The following ANKRD6 variants were observed in gnomAD, a reference collection of about 807,000 sequenced individuals.
ANKRD6 encodes ankyrin repeat domain 6, also known as ankyrin repeat domain-containing protein 6.
A neutral mutation model predicts 82.3 loss-of-function variants in ANKRD6; 56 were observed. The ratio of observed to expected loss-of-function variants is 0.68; its 90% CI spans 0.55 to 0.85. The LOEUF (loss-of-function observed/expected upper bound fraction) is 0.85. Ranked by LOEUF, ANKRD6 falls within the 40% of genes least tolerant of loss-of-function variation. The pLI is 0.00. For missense variants in ANKRD6, 852 were observed against 907.6 expected (o/e 0.94, Z 0.79); for synonymous variants, 347 against 352.1 (o/e 0.99, Z 0.16).
intron 1 of ANKRD6, among the ~76,000 whole-genome samples, chr6:89,502,697 T>A (rs936010082): frequency 4.6e-5 from 7 of 152,334 alleles, no homozygotes; most frequent in Non-Finnish European, 1.0e-4. Context: ...TTTGAGCTTT[T>A]GGCTATTGTC....
At chr6:89,448,132 T>G (rs942397828) in intron 1 of ANKRD6, among the ~76,000 whole-genome samples, 3 of 152,122 alleles carry the variant, frequency 2.0e-5, no homozygotes, top group Non-Finnish European at 2.9e-5. Context: ...TCCTAGGACA[T>G]TTTAAGAATT....
intron 13 of ANKRD6, among the ~76,000 whole-genome samples, chr6:89,626,961 AT>A (rs1805889364): frequency 6.6e-6 from 1 of 152,184 alleles, no homozygotes. Flanking sequence ...AACCACTAAC[AT>A]TTTTTAAAGT....
At chr6:89,623,798 A>G in intron 11 of ANKRD6, 74 bp from the exon 12 acceptor site, 1 of 1,478,294 alleles carries the variant, frequency 6.8e-7, no homozygotes, top group Non-Finnish European at 9.1e-7. Context: ...ATGGGGTGAC[A>G]TGGGCGCCAC....
chr6:89,528,297 C>T (rs1782754279), intron 1 of ANKRD6, among the ~76,000 whole-genome samples: 1 of 152,198 alleles, frequency 6.6e-6, no homozygotes, highest in African/African-American at 2.4e-5. Context: ...ATGTACTATT[C>T]TAAATTTTTT....
chr6:89,449,920 A>G (rs1254661904), intron 1 of ANKRD6, among the ~76,000 whole-genome samples: 1 of 152,228 alleles, frequency 6.6e-6, no homozygotes, highest in Non-Finnish European at 1.5e-5. Context: ...AATTTAGAAT[A>G]TTACATAAAA....
chr6:89,434,620 T>C (rs1045065316), intron 1 of ANKRD6, among the ~76,000 whole-genome samples: 1 of 152,160 alleles, frequency 6.6e-6, no homozygotes, highest in Non-Finnish European at 1.5e-5. Flanking sequence ...TTTTTTATTT[T>C]ACTAGAGACA....
chr6:89,525,277 T>C (rs1392864507), intron 1 of ANKRD6, among the ~76,000 whole-genome samples: 1 of 128,334 alleles, frequency 7.8e-6, no homozygotes. Flanking sequence ...CTGGGCGACA[T>C]AGCAAGATCC....
chr6:89,615,002 A>G (rs1801195791), intron 7 of ANKRD6, among the ~76,000 whole-genome samples: 1 of 152,170 alleles, frequency 6.6e-6, no homozygotes, highest in Non-Finnish European at 1.5e-5. Context: ...GTGCCATGCA[A>G]TGGGGTTTTG....
intron 5 of ANKRD6, among the ~76,000 whole-genome samples, chr6:89,608,382 A>ATATATATATATT (rs1181597705): frequency 9.5e-6 from 1 of 104,728 alleles, no homozygotes; most frequent in East Asian, 2.3e-4. Flanking sequence ...ATATATATAT[A>ATATATATATATT]TATGTACAAT....
At position 89,434,440 on chromosome 6, in the gene ANKRD6, T is replaced by C. The variant is rs534622987; in HGVS notation, c.-144+1065T>C. Among the ~76,000 whole-genome samples the C allele has an allele frequency of 7.9e-4, 121 of 152,280 alleles. 1 individual carries two copies. The highest frequency in any genetic ancestry group is 2.8e-3 in the African/African-American group (115 of 41,542). ...GGTGGTCCCATCCATGGTATACTGATTGGGGGTTTCTCATCCCCAAAACAC... is the reference window on the plus strand; with the variant it reads ...GGTGGTCCCATCCATGGTATACTGACTGGGGGTTTCTCATCCCCAAAACAC... On this transcript the variant is annotated intron_variant, in intron 1 of 15. Coordinates refer to ENST00000339746, the MANE Select transcript of ANKRD6 (RefSeq NM_001242809.2).
chr6:89,582,403 C>A (rs1792759361), intron 2 of ANKRD6, among the ~76,000 whole-genome samples: 1 of 152,160 alleles, frequency 6.6e-6, no homozygotes, highest in African/African-American at 2.4e-5. Flanking sequence ...GCTGCCCATG[C>A]TGGTCTTGAA....
Position 89,447,533 on chromosome 6 carries a change from G to A in ANKRD6, c.-144+14158G>A, listed in dbSNP as rs188902195. Among the ~76,000 whole-genome samples the A allele has an allele frequency of 3.0e-4, 46 of 152,284 alleles. 1 individual carries two copies. Among genetic ancestry groups the A allele is most frequent in the African/African-American group, 1.1e-3 (45 of 41,552 alleles). On this transcript the variant is annotated intron_variant, in intron 1 of 15. Coordinates refer to ENST00000339746, the MANE Select transcript of ANKRD6 (RefSeq NM_001242809.2). ...CATCTCTGTAACATAAAAGTGCAAGGTAAAGCAGCCAGTGCTGATGTTGAA... is the reference window on the plus strand; with the variant it reads ...CATCTCTGTAACATAAAAGTGCAAGATAAAGCAGCCAGTGCTGATGTTGAA...
At chr6:89,535,042 C>A (rs1783647151) in intron 1 of ANKRD6, among the ~76,000 whole-genome samples, 1 of 152,170 alleles carries the variant, frequency 6.6e-6, no homozygotes, top group South Asian at 2.1e-4. Context: ...GGACTCTCAG[C>A]TCAGCTTAAG....
intron 1 of ANKRD6, among the ~76,000 whole-genome samples, chr6:89,471,490 G>T (rs903755596): frequency 6.6e-6 from 1 of 151,960 alleles, no homozygotes; most frequent in Non-Finnish European, 1.5e-5. Flanking sequence ...TAGACAGGAG[G>T]CCCAAGGACT....
intron 1 of ANKRD6, among the ~76,000 whole-genome samples, chr6:89,520,786 A>G (rs1446924595): frequency 6.6e-6 from 1 of 152,246 alleles, no homozygotes; most frequent in Non-Finnish European, 1.5e-5. Context: ...GAATGTAGGT[A>G]CAGGAAAAAA....
At chr6:89,526,574 T>TA (rs1782524249) in intron 1 of ANKRD6, among the ~76,000 whole-genome samples, 1 of 152,198 alleles carries the variant, frequency 6.6e-6, no homozygotes, top group African/African-American at 2.4e-5. Flanking sequence ...TGTTTACCAT[T>TA]TCCTGATGGG....
chr6:89,561,098 G>A (rs1047268552), intron 1 of ANKRD6: 2 of 152,140 alleles, frequency 1.3e-5, no homozygotes, highest in African/African-American at 2.4e-5. Flanking sequence ...ATCTTTATTC[G>A]GTGATATGTG....
chr6:89,538,829 A>G (rs1227852465), intron 1 of ANKRD6, among the ~76,000 whole-genome samples: 1 of 152,192 alleles, frequency 6.6e-6, no homozygotes, highest in Non-Finnish European at 1.5e-5. Flanking sequence ...GATCTCTTTG[A>G]TATTTTAATG....
intron 7 of ANKRD6, chr6:89,616,261 GCT>G: frequency 2.7e-6 from 1 of 367,518 alleles, no homozygotes; most frequent in Non-Finnish European, 5.0e-6. Flanking sequence ...TCCTCGTGAG[GCT>G]TCAGGTCCCA....
Sources: allele counts gnomAD v4.1 joint callset (sites outside exome capture counted in the v4.1 genomes callset), GRCh38; gene constraint gnomAD v4.1.1; transcripts MANE v1.5; gene names NCBI Gene and HGNC (gene_info 2026-07-23, HGNC 2026-07-21).